ZNF469: variants seen among roughly 807,000 people sequenced by gnomAD.
ZNF469 encodes the protein zinc finger protein 469.
A neutral mutation model predicts 1.0 loss-of-function variants in ZNF469; 1 was observed. The observed-to-expected ratio is 1.00, with a 90% CI of 0.35 to 4.73. ZNF469 has a LOEUF of 4.73. ZNF469 is among the 30% of genes most tolerant of loss of function. The pLI is 0.16. For missense variants in ZNF469, 6,100 were observed against 5,356.3 expected (o/e 1.14, Z -4.33); for synonymous variants, 2,703 against 2,363.4 (o/e 1.14, Z -4.17).
the ZNF469 span, among the ~76,000 whole-genome samples, chr16:88,155,649 A>G: frequency 6.6e-6 from 1 of 152,216 alleles, no homozygotes; most frequent in Admixed American, 6.5e-5. Context: ...ATTCCTTTGT[A>G]TGACTGAATC....
At chr16:88,325,474 C>T in the ZNF469 span, among the ~76,000 whole-genome samples, 12 of 152,372 alleles carry the variant, frequency 7.9e-5, no homozygotes, top group East Asian at 7.7e-4. Flanking sequence ...CCAGGGGACC[C>T]GGAGGACACA....
the ZNF469 span, chr16:88,194,671 A>G: frequency 6.6e-6 from 1 of 152,230 alleles, no homozygotes; most frequent in Non-Finnish European, 1.5e-5. Context: ...TGACTTGATC[A>G]GGGTAGATTT....
chr16:88,101,806 G>C, the ZNF469 span, among the ~76,000 whole-genome samples: 15 of 152,204 alleles, frequency 9.9e-5, no homozygotes, highest in Non-Finnish European at 1.9e-4. Context: ...GGCCATGAAT[G>C]AAAGTGACAA....
the ZNF469 span, among the ~76,000 whole-genome samples, chr16:88,373,996 T>C: frequency 6.7e-6 from 1 of 148,854 alleles, no homozygotes; most frequent in Non-Finnish European, 1.5e-5. Context: ...TGAGACTTTG[T>C]CTAAAATTAA....
chr16:88,433,548 G>A lies in ZNF469; in HGVS notation c.6078G>A (p.Leu2026=). The A allele has an allele frequency of 6.5e-7, 1 of 1,550,290 alleles. No individual in the cohort carries two copies. The highest frequency in any genetic ancestry group is 8.7e-7 in the Non-Finnish European group (1 of 1,146,922). The part of the protein sequence containing the change: ...ASVNASPKTA[L]TGPTEGAVLL... ...TCAATGCCAGTCCCAAAACAGCGCT[G>A]ACCGGCCCCACCGAGGGTGCAGTCC... The change falls in exon 3 of 3, where the codon CTG becomes CTA. Residue 2026 remains leucine (L), a synonymous_variant. Transcript: ENST00000565624.
chr16:88,236,965 G>A, the ZNF469 span, among the ~76,000 whole-genome samples: 1 of 151,918 alleles, frequency 6.6e-6, no homozygotes, highest in East Asian at 1.9e-4. Flanking sequence ...TTTAAGAGCA[G>A]CTTTAGGTTT....
chr16:88,305,166 C>G, the ZNF469 span, among the ~76,000 whole-genome samples: 2 of 152,192 alleles, frequency 1.3e-5, no homozygotes, highest in African/African-American at 2.4e-5. Context: ...CGGCATGGGG[C>G]AGGCCACACT....
chr16:88,436,132 C>T lies in ZNF469; in HGVS notation c.8662C>T (p.Pro2888Ser). ...GAAGCGCTGTGAGAAGCCGGTGCTCCCGCTGCCAACCCAGCCCAGCTTTGA... is the reference window on the plus strand; with the variant it reads ...GAAGCGCTGTGAGAAGCCGGTGCTCTCGCTGCCAACCCAGCCCAGCTTTGA... The part of the protein sequence containing the change: ...YGKRCEKPVL[P>S]LPTQPSFEEG... The change falls in exon 3 of 3, where the codon CCG (proline) becomes TCG (serine). Residue 2888 changes from proline (P) to serine (S), a missense_variant. Transcript: ENST00000565624. 6.5e-7 allele frequency: 1 copy of T among 1,548,240 alleles called. No homozygotes were observed. Among genetic ancestry groups the T allele is most frequent in the South Asian group, 1.2e-5 (1 of 84,052 alleles).
At chr16:88,422,235 GATGA>G (rs1905487319) in intron 1 of ZNF469, among the ~76,000 whole-genome samples, 1 of 139,256 alleles carries the variant, frequency 7.2e-6, no homozygotes, top group Non-Finnish European at 1.5e-5. Flanking sequence ...TAGATGGGTG[GATGA>G]ATGGTAGAAG....
At chr16:88,136,820 A>T in the ZNF469 span, among the ~76,000 whole-genome samples, 151,905 of 152,344 alleles carry the variant, frequency 1, 75,735 homozygotes, top group Middle Eastern at 1. Context: ...CCTGGGTGAG[A>T]GCTCAGGTCG....
chr16:88,384,732 C>T (rs1037406375), intron 1 of ZNF469, among the ~76,000 whole-genome samples: 11 of 152,276 alleles, frequency 7.2e-5, no homozygotes, highest in African/African-American at 2.4e-4. Flanking sequence ...TGTAATGCCC[C>T]GAGGCTGGCA....
the ZNF469 span, among the ~76,000 whole-genome samples, chr16:88,120,530 T>A: frequency 6.6e-6 from 1 of 152,232 alleles, no homozygotes; most frequent in African/African-American, 2.4e-5. Context: ...ACTGGGCAGT[T>A]GCAGGCGGCC....
At chr16:88,193,063 G>GTGATGGTGGTGGTGATGGTGT in the ZNF469 span, among the ~76,000 whole-genome samples, 2 of 106,394 alleles carry the variant, frequency 1.9e-5, no homozygotes, top group East Asian at 5.2e-4. Context: ...GGTGATGGTG[G>GTGATGGTGGTGGTGATGGTGT]TGATGGTGGT....
chr16:88,156,146 A>G, the ZNF469 span, among the ~76,000 whole-genome samples: 3 of 152,186 alleles, frequency 2.0e-5, no homozygotes, highest in Non-Finnish European at 2.9e-5. Context: ...GTCCAGATAC[A>G]TGTTCCTTAT....
At chr16:88,238,220 G>T in the ZNF469 span, among the ~76,000 whole-genome samples, 1 of 152,386 alleles carries the variant, frequency 6.6e-6, no homozygotes, top group African/African-American at 2.4e-5. Flanking sequence ...CACTCACCCT[G>T]TGTCTGCTGA....
the ZNF469 span, among the ~76,000 whole-genome samples, chr16:88,243,459 A>C: frequency 2.0e-5 from 3 of 152,142 alleles, no homozygotes; most frequent in African/African-American, 7.2e-5. Flanking sequence ...AGTTGTGTTC[A>C]CATTTGGCAC....
At chr16:88,232,144 G>C in the ZNF469 span, among the ~76,000 whole-genome samples, 1 of 152,220 alleles carries the variant, frequency 6.6e-6, no homozygotes, top group Non-Finnish European at 1.5e-5. Flanking sequence ...TTGACGGCAA[G>C]GTCCCTGCTG....
the ZNF469 span, among the ~76,000 whole-genome samples, chr16:88,106,210 C>G: frequency 6.6e-6 from 1 of 152,224 alleles, no homozygotes; most frequent in East Asian, 1.9e-4. Context: ...CCCGCGCCCC[C>G]ACACCCTGGA....
the ZNF469 span, among the ~76,000 whole-genome samples, chr16:88,216,625 T>A: frequency 6.6e-6 from 1 of 152,252 alleles, no homozygotes; most frequent in East Asian, 1.9e-4. Context: ...ATTTTATATC[T>A]GGTTTTGGAA....
Sources: gnomAD v4.1 joint callset for allele counts (sites outside exome capture counted in the v4.1 genomes callset) on GRCh38, gnomAD v4.1.1 for gene constraint, MANE v1.5 for transcripts, NCBI Gene and HGNC (gene_info 2026-07-23, HGNC 2026-07-21) for gene names.